EXD1: variants seen among roughly 807,000 people sequenced by gnomAD.
EXD1 encodes the protein exonuclease 3'-5' domain containing 1.
Under a neutral mutation model 49.1 loss-of-function variants are expected in EXD1, and 63 were observed. The ratio of observed to expected loss-of-function variants is 1.28; its 90% CI spans 1.05 to 1.58. EXD1 has a LOEUF of 1.58. Ranked by LOEUF, EXD1 falls within the 40% of genes most tolerant of loss-of-function variation. EXD1 has a pLI of 0.00. For synonymous variants in EXD1, 234 were observed against 239.2 expected, an observed-to-expected ratio of 0.98 and a Z score of 0.20; for missense variants, 748 against 666.0, an observed-to-expected ratio of 1.12 and a Z score of -1.36.
At chr15:41,208,370 A>G (rs1405116777) in intron 7 of EXD1, among the ~76,000 whole-genome samples, 1 of 75,568 alleles carries the variant, frequency 1.3e-5, no homozygotes, top group East Asian at 4.2e-4. Context: ...CTCATCTCTG[A>G]AAAAAAAAAA....
chr15:41,213,642 G>C (rs2046956263), intron 6 of EXD1, among the ~76,000 whole-genome samples: 1 of 151,876 alleles, frequency 6.6e-6, no homozygotes, highest in African/African-American at 2.4e-5. Flanking sequence ...GGGATTACAA[G>C]TGCCCACCAC....
chr15:41,194,524 A>G (rs2046580593), intron 9 of EXD1, among the ~76,000 whole-genome samples: 2 of 152,206 alleles, frequency 1.3e-5, no homozygotes, highest in Admixed American at 1.3e-4. Context: ...GCCCTGCAAG[A>G]CACCTTGACT....
intron 11 of EXD1, among the ~76,000 whole-genome samples, chr15:41,184,938 G>A (rs1195157569): frequency 6.6e-6 from 1 of 152,176 alleles, no homozygotes; most frequent in Non-Finnish European, 1.5e-5. Context: ...TTACAGTCGT[G>A]AGCCATAGTG....
chr15:41,219,713 GATCAATT>G (rs1436900347), intron 3 of EXD1, 110 bp downstream of exon 3: 4 of 779,002 alleles, frequency 5.1e-6, no homozygotes, highest in Non-Finnish European at 8.2e-6. Context: ...CAGTAAGAAG[GATCAATT>G]CTCAAATACC....
chr15:41,226,304 G>A, intron 2 of EXD1, 139 bp downstream of exon 2: 2 of 844,804 alleles, frequency 2.4e-6, no homozygotes, highest in South Asian at 1.9e-5. Flanking sequence ...GTTCTGTTTG[G>A]GAAAACAATA....
intron 1 of EXD1, among the ~76,000 whole-genome samples, chr15:41,227,276 T>C (rs2047176774): frequency 6.6e-6 from 1 of 152,226 alleles, no homozygotes; most frequent in Non-Finnish European, 1.5e-5. Context: ...GTCTATGCTA[T>C]CCTATTAATT....
At chr15:41,192,895 A>G (rs2140825752) in intron 9 of EXD1, among the ~76,000 whole-genome samples, 1 of 144,674 alleles carries the variant, frequency 6.9e-6, no homozygotes, top group East Asian at 2.1e-4. Flanking sequence ...TCCCGGGTTC[A>G]CGCCATTCTC....
At chr15:41,217,262 G>T (rs1000977312) in intron 3 of EXD1, 108 bp from the exon 4 acceptor site, 1 of 875,570 alleles carries the variant, frequency 1.1e-6, no homozygotes, top group East Asian at 2.6e-5. Context: ...ACAATAATTG[G>T]AAATGACATG....
At chr15:41,226,667 T>C in intron 1 of EXD1, 39 bp from the exon 2 acceptor site, 1 of 1,429,810 alleles carries the variant, frequency 7.0e-7, no homozygotes, top group Non-Finnish European at 9.2e-7. Context: ...TTTTAAAAGA[T>C]TTTTTGGGAG....
At chr15:41,199,757 T>TATATAACATATC (rs770690755) in intron 7 of EXD1, among the ~76,000 whole-genome samples, 1 of 87,240 alleles carries the variant, frequency 1.1e-5, no homozygotes, top group Non-Finnish European at 2.2e-5. Flanking sequence ...TTATATATGA[T>TATATAACATATC]ACATATATGA....
chr15:41,198,708 A>AAT (rs1555414521), intron 7 of EXD1, among the ~76,000 whole-genome samples: 228 of 146,342 alleles, frequency 1.6e-3, no homozygotes, highest in Non-Finnish European at 2.2e-3. Flanking sequence ...ATTAAAAAAA[A>AAT]TTTTTTTTTT....
chr15:41,199,419 CT>C (rs778431643), intron 7 of EXD1, among the ~76,000 whole-genome samples: 1 of 147,620 alleles, frequency 6.8e-6, no homozygotes, highest in East Asian at 2.0e-4. Context: ...TTTTAAGAGT[CT>C]TTCAAAAAAA....
In EXD1 at chr15:41,230,505, A is replaced by AGTGAAT; in HGVS notation, c.-81_-80insATTCAC. On this transcript the variant is annotated 5_prime_UTR_variant, in exon 1 of 12. An upstream start codon of the reference 5' UTR is lost. Transcript: ENST00000458580. ...ATAAGCTAGGAATTCACTGTCCTCCATCGTTAGGGCTTTTTCCTCCGAAGG... is the reference window on the plus strand; with the variant it reads ...ATAAGCTAGGAATTCACTGTCCTCCAGTGAATTCGTTAGGGCTTTTTCCTCCGAAGG... The AGTGAAT allele has an allele frequency of 6.2e-7, 1 of 1,614,236 alleles. No individual in the cohort carries two copies. Among genetic ancestry groups the AGTGAAT allele is most frequent in the Non-Finnish European group, 8.5e-7 (1 of 1,180,022 alleles).
intron 7 of EXD1, among the ~76,000 whole-genome samples, chr15:41,198,456 C>T (rs1595434763): frequency 6.6e-6 from 1 of 151,962 alleles, no homozygotes; most frequent in South Asian, 2.1e-4. Flanking sequence ...CTTTGGGAGG[C>T]CAAGGTAGGA....
At chr15:41,188,930 G>A (rs565146562) in intron 11 of EXD1, among the ~76,000 whole-genome samples, 1 of 150,718 alleles carries the variant, frequency 6.6e-6, no homozygotes, top group Non-Finnish European at 1.5e-5. Context: ...AGCATCCTGA[G>A]TAGATGGGAT....
At chr15:41,196,548 C>T (rs1358438510) in intron 7 of EXD1, among the ~76,000 whole-genome samples, 1 of 151,878 alleles carries the variant, frequency 6.6e-6, no homozygotes, top group Non-Finnish European at 1.5e-5. Context: ...AATCTCTTGA[C>T]CTCATGATCC....
rs1054345022 is a variant in EXD1 at position 41,229,741 on chromosome 15, C to T, written c.-54+738G>A. On this transcript the variant is annotated intron_variant, in intron 1 of 11. Transcript: ENST00000458580. ...TGAGATGGCGCCTTTGCACTTCAGC[C>T]TGGGCAGAAGAGCAAAAACTCCGTC... Among the ~76,000 whole-genome samples the T allele has an allele frequency of 6.6e-5, 10 of 151,968 alleles. No individual in the cohort carries two copies. In the South Asian group the frequency reaches 1.9e-3, roughly 28 times the overall value.
At chr15:41,215,680 C>T (rs1337033722) in intron 6 of EXD1, 95 bp downstream of exon 6, 20 of 1,263,318 alleles carry the variant, frequency 1.6e-5, no homozygotes, top group African/African-American at 7.4e-5. Context: ...AGCAAGACTC[C>T]GTCTCAAAAA....
At position 41,184,112 on chromosome 15, in the gene EXD1, T is replaced by C. The variant is rs1370686069; in HGVS notation, c.1538A>G (p.Asn513Ser). 2 of 1,614,202 alleles carry C rather than the reference T, an allele frequency of 1.2e-6. No homozygotes were observed. The highest frequency in any genetic ancestry group is 1.7e-5 in the Admixed American group (1 of 60,012). The change falls in exon 12 of 12, where the codon AAC (asparagine) becomes AGC (serine). Residue 513 changes from asparagine (N) to serine (S), a missense_variant. By Grantham distance (46) the Asn-to-Ser change is conservative. Coordinates refer to ENST00000458580, the MANE Select transcript of EXD1 (RefSeq NM_001286441.2). ...EETEQLLMVE[N>S]KEDLKCTKQA... Reference sequence around the variant, plus strand: ...TTTTGTGCATTTTAAATCTTCCTTGTTTTCCACCATCAATAACTGTTCTGT... The same window carrying C: ...TTTTGTGCATTTTAAATCTTCCTTGCTTTCCACCATCAATAACTGTTCTGT...
Sources: allele counts gnomAD v4.1 joint callset (sites outside exome capture counted in the v4.1 genomes callset), GRCh38; gene constraint gnomAD v4.1.1; transcripts MANE v1.5; gene names NCBI Gene and HGNC (gene_info 2026-07-23, HGNC 2026-07-21).